The following DEGS1 variants were observed in gnomAD, a reference collection of about 807,000 sequenced individuals.
The protein encoded by DEGS1 is delta 4-desaturase, sphingolipid 1.
DEGS1 carries 17 observed loss-of-function variants against 24.1 expected under a neutral mutation model. That is an observed-to-expected ratio of 0.70 (90% CI 0.48 to 1.06). The LOEUF is 1.06. Ranked by LOEUF, DEGS1 falls within the 50% of genes least tolerant of loss-of-function variation. The pLI, the probability that DEGS1 is intolerant of heterozygous loss-of-function variation, is 0.00. For synonymous variants in DEGS1, 134 were observed against 140.0 expected, an observed-to-expected ratio of 0.96 and a Z score of 0.30; for missense variants, 366 against 408.9, an observed-to-expected ratio of 0.90 and a Z score of 0.91.
Position 224,183,434 on chromosome 1 carries a change from C to A in DEGS1, c.82+16C>A. The A allele has an allele frequency of 7.2e-7, 1 of 1,382,358 alleles. No homozygotes were observed. 85.6% of individuals were successfully genotyped at this position (1,382,358 alleles called of 1,614,324 possible). Reference sequence around the variant, plus strand: ...GAGATCCTGGGTGAGGGCCAGCGGGCGCCCCGTTATGTGCGTGCGTGGCCT... The same window carrying A: ...GAGATCCTGGGTGAGGGCCAGCGGGAGCCCCGTTATGTGCGTGCGTGGCCT... On this transcript the variant is annotated intron_variant, in intron 1 of 2. Transcript: ENST00000323699.
chr1:224,186,112 G>A (rs927779702), intron 1 of DEGS1, among the ~76,000 whole-genome samples: 3 of 151,982 alleles, frequency 2.0e-5, no homozygotes, highest in African/African-American at 7.2e-5. Flanking sequence ...AGGCCAACCT[G>A]GGCAACATGG....
At chr1:224,187,093 A>C (rs963255893) in intron 1 of DEGS1, among the ~76,000 whole-genome samples, 1 of 152,100 alleles carries the variant, frequency 6.6e-6, no homozygotes, top group African/African-American at 2.4e-5. Flanking sequence ...AGGTCACCTG[A>C]GGTCAGGAGT....
Position 224,189,727 on chromosome 1 carries a change from G to T in DEGS1, c.233G>T (p.Ser78Ile). ...WVIFGAYAFGSCINHSMTLAI... is the reference protein window; with the variant it reads ...WVIFGAYAFGICINHSMTLAI... ...ATATTTGGGGCCTATGCGTTTGGCA[G>T]TTGCATTAACCACTCAATGACTCTG... The change falls in exon 2 of 3, where the codon AGT becomes ATT. Residue 78 changes from serine to isoleucine, a missense_variant. Physicochemically the swap from Ser to Ile is moderately radical, Grantham distance 142. Coordinates refer to ENST00000323699, the MANE Select transcript of DEGS1 (RefSeq NM_003676.4). 1 of 1,614,190 alleles carries T rather than the reference G, an allele frequency of 6.2e-7. No individual in the cohort carries two copies. The highest frequency in any genetic ancestry group is 8.5e-7 in the Non-Finnish European group (1 of 1,180,038).
intron 2 of DEGS1, 42 bp downstream of exon 2, chr1:224,190,361 ATTTG>A: frequency 1.4e-6 from 2 of 1,439,250 alleles, no homozygotes; most frequent in Non-Finnish European, 1.8e-6. Context: ...TTGTTTTTTC[ATTTG>A]TTTGTTTTTT....
intron 1 of DEGS1, among the ~76,000 whole-genome samples, chr1:224,185,471 G>T (rs1303857413): frequency 6.6e-6 from 1 of 152,062 alleles, no homozygotes; most frequent in Non-Finnish European, 1.5e-5. Flanking sequence ...AATTTGTTTG[G>T]CACATCACTT....
chr1:224,186,985 A>G (rs1214350532), intron 1 of DEGS1, among the ~76,000 whole-genome samples: 5 of 152,098 alleles, frequency 3.3e-5, no homozygotes, highest in Non-Finnish European at 7.4e-5. Flanking sequence ...GTTCACATTA[A>G]AAGTTCATTT....
At chr1:224,189,524 G>GC in intron 1 of DEGS1, 53 bp from the exon 2 acceptor site, 1 of 1,316,132 alleles carries the variant, frequency 7.6e-7, no homozygotes, top group Non-Finnish European at 1.0e-6. Context: ...ATTATAATTG[G>GC]TGAACTATTA....
At chr1:224,191,818 A>G (rs1054565919) in intron 2 of DEGS1, among the ~76,000 whole-genome samples, 1 of 151,956 alleles carries the variant, frequency 6.6e-6, no homozygotes, top group Non-Finnish European at 1.5e-5. Flanking sequence ...GCTGGTCTCG[A>G]ACTCCTGACC....
rs755016052 is a variant in DEGS1, at chr1:224,190,187, T to G, written c.693T>G (p.Ala231=). ...GLHPISGHFI[A]EHYMFLKGHE... ...ACCCAATTTCTGGACATTTTATAGC[T>G]GAGCATTACATGTTCTTAAAGGGTC... Residue 231 remains alanine, a synonymous_variant, in exon 2 of 3, where the codon GCT becomes GCG. Transcript: ENST00000323699. 9 of 1,567,514 alleles carry G rather than the reference T, an allele frequency of 5.7e-6. No individual in the cohort carries two copies. Among genetic ancestry groups the G allele is most frequent in the African/African-American group, 2.7e-5 (2 of 73,028 alleles).
At position 224,183,477 on chromosome 1, in the gene DEGS1, CTCTCCCCTCGCGGGCCCTGCGCGG is replaced by C. The variant is rs1256635729; in HGVS notation, c.82+62_82+85del. On this transcript the variant is annotated intron_variant, in intron 1 of 2. Transcript: ENST00000323699. ...CGTGGCCTCCCGGCGCCGGGGCGCG[CTCTCCCCTCGCGGGCCCTGCGCGG>C]TCGTGGGCGCCGGAGGCCCGTTAGC... The C allele has an allele frequency of 1.5e-5, 18 of 1,235,554 alleles. 1 individual carries two copies. The highest frequency in any genetic ancestry group is 8.5e-5 in the Admixed American group (2 of 23,430). The allele number at this position is 1,235,554 out of a possible 1,614,324, so 76.5% of individuals were successfully genotyped here.
intron 1 of DEGS1, 89 bp from the exon 2 acceptor site, chr1:224,189,488 G>T (rs553488273): frequency 2.0e-6 from 2 of 979,694 alleles, no homozygotes; most frequent in Admixed American, 5.4e-5. Flanking sequence ...CAAATTTAAT[G>T]TGTTAGTTTA....
In DEGS1 at chr1:224,190,260, G is replaced by A; in HGVS notation, c.766G>A (p.Val256Met). The change falls in exon 2 of 3, where the codon GTG (valine) becomes ATG (methionine). Residue 256 changes from valine (V) to methionine (M), a missense_variant. By Grantham distance (21) the Val-to-Met change is conservative (BLOSUM62 1). Coordinates refer to ENST00000323699, the MANE Select transcript of DEGS1 (RefSeq NM_003676.4). The stretch of plus-strand genomic sequence containing the variant: ...GCCTCTGAATTTACTTACCTTCAAT[G>A]TGGGTTATCATAATGAACATCATGA... Reference protein sequence around the residue: ...YGPLNLLTFNVGYHNEHHDFP... With the variant: ...YGPLNLLTFNMGYHNEHHDFP... 4 of 1,512,566 alleles carry A rather than the reference G, an allele frequency of 2.6e-6. No homozygotes were observed. The highest frequency in any genetic ancestry group is 3.5e-6 in the Non-Finnish European group (4 of 1,133,630). The allele number at this position is 1,512,566 out of a possible 1,614,324, so 93.7% of individuals were successfully genotyped here.
chr1:224,191,346 T>C (rs1201268512), intron 2 of DEGS1, among the ~76,000 whole-genome samples: 17 of 149,796 alleles, frequency 1.1e-4, no homozygotes. Context: ...GCCGAGATTG[T>C]GCCACTGCAC....
rs1658479137 is a variant in DEGS1 at position 224,189,574 on chromosome 1, C to T, written c.83-3C>T. 2 of 1,557,144 alleles carry T rather than the reference C, an allele frequency of 1.3e-6. No homozygotes were observed. Among genetic ancestry groups the T allele is most frequent in the Non-Finnish European group, 1.7e-6 (2 of 1,155,644 alleles). On this transcript the variant is annotated splice_region_variant and splice_polypyrimidine_tract_variant and intron_variant, in intron 1 of 2. Transcript: ENST00000323699. ...TTCCTGTTTTTTTGTTTTTTCTTTA[C>T]AGCAAAGTATCCAGAGATAAAGTCC...
Position 224,183,244 on chromosome 1 carries a change from C to T in DEGS1, c.-93C>T, listed in dbSNP as rs1658277947. 3 of 1,204,888 alleles carry T rather than the reference C, an allele frequency of 2.5e-6. No homozygotes were observed. The highest frequency in any genetic ancestry group is 3.4e-6 in the Non-Finnish European group (3 of 888,884). The allele number at this position is 1,204,888 out of a possible 1,614,324, so 74.6% of individuals were successfully genotyped here. On this transcript the variant is annotated 5_prime_UTR_variant, in exon 1 of 3. Coordinates refer to ENST00000323699, the MANE Select transcript of DEGS1 (RefSeq NM_003676.4). Reference sequence around the variant, plus strand: ...GCTCCGCCACAGCCGGCCGACACCACACCAGCCGGGGAGCCGCCGCCGCCG... The same window carrying T: ...GCTCCGCCACAGCCGGCCGACACCATACCAGCCGGGGAGCCGCCGCCGCCG...
At position 224,192,555 on chromosome 1, in the gene DEGS1, A is replaced by G; in HGVS notation, c.*77A>G. The G allele has an allele frequency of 7.1e-7, 1 of 1,412,260 alleles. No individual in the cohort carries two copies. The highest frequency in any genetic ancestry group is 9.7e-7 in the Non-Finnish European group (1 of 1,035,832). The allele number at this position is 1,412,260 out of a possible 1,614,324, so 87.5% of individuals were successfully genotyped here. On this transcript the variant is annotated 3_prime_UTR_variant, in exon 3 of 3. Transcript: ENST00000323699. ...GAATTTTTGCATTATTAAACTTGAG[A>G]CCAGTGATGCTCAGAAGCTCCCCTG...
chr1:224,189,870 A>C lies in DEGS1; in HGVS notation c.376A>C (p.Arg126=). ...IGIPYSISFK[R]YHMDHHRYLG... The stretch of plus-strand genomic sequence containing the variant: ...GATTCCATATTCAATTTCCTTTAAG[A>C]GGTATCACATGGATCATCATCGGTA... The change falls in exon 2 of 3, where the codon AGG becomes CGG. Residue 126 remains arginine (R), a synonymous_variant. Transcript: ENST00000323699. 2 of 1,614,134 alleles carry C rather than the reference A, an allele frequency of 1.2e-6. No homozygotes were observed. Among genetic ancestry groups the C allele is most frequent in the Non-Finnish European group, 1.7e-6 (2 of 1,180,018 alleles).
chr1:224,192,205 TAAGAGAGAG>T, intron 2 of DEGS1, 118 bp from the exon 3 acceptor site: 1 of 694,996 alleles, frequency 1.4e-6, no homozygotes, highest in Non-Finnish European at 2.2e-6. Flanking sequence ...TTTTTTTTTT[TAAGAGAGAG>T]GAGGGAGGCA....
chr1:224,192,154 T>G (rs1658553369), intron 2 of DEGS1, among the ~76,000 whole-genome samples, 178 bp from the exon 3 acceptor site: 1 of 151,906 alleles, frequency 6.6e-6, no homozygotes, highest in Non-Finnish European at 1.5e-5. Flanking sequence ...TGTAGACTGC[T>G]TTTTGTTTAG....
Sources: gnomAD v4.1 joint callset for allele counts (sites outside exome capture counted in the v4.1 genomes callset) on GRCh38, gnomAD v4.1.1 for gene constraint, MANE v1.5 for transcripts, NCBI Gene and HGNC (gene_info 2026-07-23, HGNC 2026-07-21) for gene names.